The following GALNT18 variants were observed in gnomAD, a reference collection of about 807,000 sequenced individuals.
GALNT18 encodes GalNAc-transferase 18.
In GALNT18, 44 loss-of-function variants were observed where a neutral mutation model predicts 69.5. The observed-to-expected ratio is 0.63, with a 90% confidence interval of 0.50 to 0.81. The LOEUF (loss-of-function observed/expected upper bound fraction) is 0.81, where lower values mean the gene tolerates loss of function less well. Among genes scored for constraint, GALNT18 ranks in the 40% least tolerant of loss-of-function variants. GALNT18 has a pLI of 0.00. For synonymous variants in GALNT18, 364 were observed against 318.2 expected, an observed-to-expected ratio of 1.14 and a Z score of -1.53; for missense variants, 715 against 810.0, an observed-to-expected ratio of 0.88 and a Z score of 1.42.
At position 11,283,275 on chromosome 11, in the gene GALNT18, T is replaced by G. The variant is rs183694949; in HGVS notation, c.1677+9754A>C. On this transcript the variant is annotated intron_variant, in intron 10 of 10. Coordinates refer to ENST00000227756, the MANE Select transcript of GALNT18 (RefSeq NM_198516.3). ...GATTCTCCCGCCTCAGCTGCCCAAGTAGCTGGGATTACAGACATGCACCAT... is the reference window on the plus strand; with the variant it reads ...GATTCTCCCGCCTCAGCTGCCCAAGGAGCTGGGATTACAGACATGCACCAT... Among the ~76,000 whole-genome samples, 398 of 152,256 alleles carry G rather than the reference T, an allele frequency of 2.6e-3. 3 individuals carry two copies. Among genetic ancestry groups the G allele is most frequent in the African/African-American group, 9.2e-3 (381 of 41,524 alleles).
chr11:11,353,163 T>C (rs1468011636), intron 6 of GALNT18: 1 of 1,608,670 alleles, frequency 6.2e-7, no homozygotes, highest in African/African-American at 1.3e-5. Context: ...TGTTTGGAGA[T>C]CTGGCAGTCA....
chr11:11,358,826 A>ACACACAC (rs1850583904), intron 6 of GALNT18, among the ~76,000 whole-genome samples: 2 of 110,822 alleles, frequency 1.8e-5, no homozygotes, highest in Admixed American at 9.0e-5. Context: ...ATCCACACAA[A>ACACACAC]ACACACACAC....
At chr11:11,504,915 T>G (rs1857042292) in intron 1 of GALNT18, among the ~76,000 whole-genome samples, 1 of 152,200 alleles carries the variant, frequency 6.6e-6, no homozygotes, top group African/African-American at 2.4e-5. Flanking sequence ...CCTGTCCTTT[T>G]TCCATTTATT....
In GALNT18 at chr11:11,284,930, T is replaced by TTTTTTTTTTTTA. The variant is rs1554909662; in HGVS notation, c.1677+8098_1677+8099insTAAAAAAAAAAA. Among the ~76,000 whole-genome samples, 201 of 134,648 alleles carry TTTTTTTTTTTTA rather than the reference T, an allele frequency of 1.5e-3. 9 individuals carry two copies. Among genetic ancestry groups the TTTTTTTTTTTTA allele is most frequent in the African/African-American group, 5.1e-3 (188 of 36,836 alleles). The allele number at this position is 134,648 out of a possible 152,430, so 88.3% of individuals were successfully genotyped here. A position where few individuals can be genotyped will look rare whatever the true frequency, so the allele number is the denominator to read the frequency against. On this transcript the variant is annotated intron_variant, in intron 10 of 10. Coordinates refer to ENST00000227756, the MANE Select transcript of GALNT18 (RefSeq NM_198516.3). ...CGTGTTTTTTTTTTTTTTTTTTTTT[T>TTTTTTTTTTTTA]AACTACTTGGGCGTTCTCTTTCTTA...
At chr11:11,349,001 C>G (rs1418154994) in intron 6 of GALNT18, among the ~76,000 whole-genome samples, 1 of 151,514 alleles carries the variant, frequency 6.6e-6, no homozygotes, top group African/African-American at 2.5e-5. Flanking sequence ...TCCTTACCCC[C>G]AGAGGTAACC....
chr11:11,298,335 CTTT>C (rs1459541020), intron 9 of GALNT18, among the ~76,000 whole-genome samples: 1 of 152,252 alleles, frequency 6.6e-6, no homozygotes, highest in African/African-American at 2.4e-5. Context: ...GCTACTGCCA[CTTT>C]TAAGGATAAG....
At chr11:11,506,455 G>T (rs1564983809) in intron 1 of GALNT18, among the ~76,000 whole-genome samples, 1 of 152,154 alleles carries the variant, frequency 6.6e-6, no homozygotes, top group Non-Finnish European at 1.5e-5. Context: ...ATAGCTATGA[G>T]GGGGACAAGG....
rs959916124 is a variant in GALNT18, at chr11:11,297,922, C to T, written c.1513-4729G>A. ...AAAATCACCTGCAAGGTAAAACAAT[C>T]AACACATCCGTATCCTGGATCTTAC... On this transcript the variant is annotated intron_variant, in intron 9 of 10. Transcript: ENST00000227756. 3.3e-5 allele frequency among the ~76,000 whole-genome samples: 5 copies of T among 152,190 alleles called. No individual in the cohort carries two copies. The East Asian group carries it at 5.8e-4, about 18-fold the overall frequency.
chr11:11,401,452 A>G (rs1854465374), intron 3 of GALNT18, among the ~76,000 whole-genome samples: 1 of 152,156 alleles, frequency 6.6e-6, no homozygotes. Flanking sequence ...GCCTGTTCCC[A>G]GCACTCGGTC....
chr11:11,377,398 G>C lies in GALNT18; in HGVS notation c.780-19C>G. The C allele has an allele frequency of 1.9e-6, 3 of 1,611,122 alleles. No individual in the cohort carries two copies. The highest frequency in any genetic ancestry group is 2.2e-5 in the South Asian group (2 of 90,992). On this transcript the variant is annotated intron_variant, in intron 4 of 10. Coordinates refer to ENST00000227756, the MANE Select transcript of GALNT18 (RefSeq NM_198516.3). The surrounding 1 kb of genome is among the most constrained non-coding windows in gnomAD (Gnocchi z 4.6). ...TTCAGCCCTGGGCAGAGAGGAGACA[G>C]CCAGAGAGGGTAACCATTTCCAAGG...
At chr11:11,576,897 T>A (rs1316858680) in intron 1 of GALNT18, among the ~76,000 whole-genome samples, 1 of 152,250 alleles carries the variant, frequency 6.6e-6, no homozygotes, top group African/African-American at 2.4e-5. Context: ...ACACCTTTAG[T>A]GCCACAGAGA....
At chr11:11,349,868 T>C (rs1464836065) in intron 6 of GALNT18, among the ~76,000 whole-genome samples, 1 of 152,254 alleles carries the variant, frequency 6.6e-6, no homozygotes, top group African/African-American at 2.4e-5. Flanking sequence ...CCTGAGGATA[T>C]GGTTTCCCAA....
intron 5 of GALNT18, among the ~76,000 whole-genome samples, chr11:11,374,447 T>C (rs1564916416): frequency 6.6e-6 from 1 of 152,386 alleles, no homozygotes; most frequent in Admixed American, 6.5e-5. Context: ...AAATACGTGA[T>C]GATTCAGAAA....
intron 1 of GALNT18, among the ~76,000 whole-genome samples, chr11:11,467,417 A>G (rs1021442340): frequency 1.3e-5 from 2 of 152,220 alleles, no homozygotes; most frequent in Non-Finnish European, 2.9e-5. Context: ...GATATGGCAG[A>G]GGCTTTTCTC....
intron 1 of GALNT18, chr11:11,475,649 T>C (rs1856376780): frequency 6.6e-6 from 1 of 152,230 alleles, no homozygotes; most frequent in African/African-American, 2.4e-5. Flanking sequence ...TACCCAACAA[T>C]ACTGCTAGCC....
intron 10 of GALNT18, among the ~76,000 whole-genome samples, chr11:11,290,055 C>A (rs1421718122): frequency 2.6e-5 from 4 of 152,000 alleles, no homozygotes; most frequent in Admixed American, 6.5e-5. Context: ...GGGGCTACTC[C>A]AAGACAGCCC....
intron 1 of GALNT18, among the ~76,000 whole-genome samples, chr11:11,467,130 G>T (rs150592656): frequency 4.6e-5 from 7 of 152,302 alleles, no homozygotes; most frequent in African/African-American, 1.7e-4. Flanking sequence ...ATGGGGAGAA[G>T]ATAGACATCA....
At chr11:11,344,898 T>C (rs1394045447) in intron 6 of GALNT18, among the ~76,000 whole-genome samples, 1 of 152,130 alleles carries the variant, frequency 6.6e-6, no homozygotes, top group African/African-American at 2.4e-5. Flanking sequence ...TGACAATGGA[T>C]ACCACACCAG....
intron 1 of GALNT18, among the ~76,000 whole-genome samples, chr11:11,608,080 T>C (rs1237263213): frequency 1.3e-5 from 2 of 152,212 alleles, no homozygotes; most frequent in African/African-American, 4.8e-5. Context: ...ATGTCTCAGC[T>C]GAGATGTGAC....
Sources: gnomAD v4.1 joint callset for allele counts (sites outside exome capture counted in the v4.1 genomes callset) on GRCh38, gnomAD v4.1.1 for gene constraint, Gnocchi (gnomAD v3.1) non-coding constraint, MANE v1.5 for transcripts, NCBI Gene and HGNC (gene_info 2026-07-23, HGNC 2026-07-21) for gene names.